The following LMO4 variants were observed in gnomAD, a reference collection of about 807,000 sequenced individuals.
LMO4 encodes LIM domain only 4.
In LMO4, 3 loss-of-function variants were observed where a neutral mutation model predicts 18.5. The observed-to-expected ratio is 0.16, with a 90% CI of 0.07 to 0.42. LMO4 has a LOEUF of 0.42. Ranked by LOEUF, LMO4 falls within the 10% of genes least tolerant of loss-of-function variation. The pLI, the probability that LMO4 is intolerant of heterozygous loss-of-function variation, is 0.99. For missense variants in LMO4, 121 were observed against 219.9 expected, an observed-to-expected ratio of 0.55 and a Z score of 2.84; for synonymous variants, 100 against 88.1, an observed-to-expected ratio of 1.14 and a Z score of -0.76.
intron 2 of LMO4, among the ~76,000 whole-genome samples, chr1:87,336,074 C>T (rs961096266): frequency 1.5e-5 from 2 of 131,352 alleles, no homozygotes; most frequent in Non-Finnish European, 3.1e-5. Context: ...GTATCAATAG[C>T]TTCTGGTGCT....
chr1:87,329,629 C>T (rs1650072257), intron 1 of LMO4, among the ~76,000 whole-genome samples: 1 of 152,178 alleles, frequency 6.6e-6, no homozygotes, highest in East Asian at 1.9e-4. Context: ...CACGATACCC[C>T]CCCTCCCTTC....
intron 2 of LMO4, among the ~76,000 whole-genome samples, chr1:87,335,136 G>GC (rs1379084575): frequency 1.3e-5 from 2 of 152,140 alleles, no homozygotes; most frequent in Non-Finnish European, 2.9e-5. Flanking sequence ...CCTTGGGACT[G>GC]CCCCTTCCCC....
At chr1:87,331,841 C>CAGTA in intron 1 of LMO4, 172 bp from the exon 2 acceptor site, 5 of 578,940 alleles carry the variant, frequency 8.6e-6, no homozygotes, top group Admixed American at 6.3e-5. Context: ...TGCCGGCGAG[C>CAGTA]CTCCCTTCTT....
intron 4 of LMO4, among the ~76,000 whole-genome samples, chr1:87,342,895 G>A (rs867221795): frequency 4.6e-5 from 7 of 152,080 alleles, no homozygotes; most frequent in African/African-American, 1.4e-4. Flanking sequence ...ACCCTGTGGC[G>A]TTTCTTTTCT....
At chr1:87,331,666 C>T (rs969675210) in intron 1 of LMO4, 10 of 286,230 alleles carry the variant, frequency 3.5e-5, no homozygotes, top group Non-Finnish European at 5.1e-5. Flanking sequence ...TGGGCGGAGG[C>T]GGGGGCTGGG....
Position 87,348,395 on chromosome 1 carries a change from G to T in LMO4, c.*3599G>T. ...GCTTTGTTACTAAGACTCACCTATT[G>T]TTAGTGCAGCCAAGTCACAGAAGTG... is the stretch of plus-strand genomic sequence containing the variant. On this transcript the variant is annotated 3_prime_UTR_variant, in exon 5 of 5. Transcript: ENST00000370544. 1 of 284,392 alleles carries T rather than the reference G, an allele frequency of 3.5e-6. No individual in the cohort carries two copies. The highest frequency in any genetic ancestry group is 7.1e-6 in the Non-Finnish European group (1 of 141,002). 17.6% of individuals were successfully genotyped at this position (284,392 alleles called of 1,614,324 possible).
Position 87,340,032 on chromosome 1 carries a change from G to C in LMO4, c.334-15G>C, listed in dbSNP as rs1166388944. On this transcript the variant is annotated splice_polypyrimidine_tract_variant and intron_variant, in intron 3 of 4. Transcript: ENST00000370544. ...TTTTTACCTTGTTTTCAGTGGGTTT[G>C]TTTTTCCCTTTCAGTGTTTTACATG... The C allele has an allele frequency of 2.5e-6, 4 of 1,607,834 alleles. No homozygotes were observed. The highest frequency in any genetic ancestry group is 8.5e-7 in the Non-Finnish European group (1 of 1,177,644).
intron 2 of LMO4, among the ~76,000 whole-genome samples, chr1:87,336,118 A>G (rs1650303746): frequency 6.6e-6 from 1 of 151,924 alleles, no homozygotes; most frequent in Non-Finnish European, 1.5e-5. Context: ...TTTCCGAAGT[A>G]CCTTTAATGG....
At chr1:87,342,645 A>G (rs1253279827) in intron 4 of LMO4, among the ~76,000 whole-genome samples, 1 of 152,098 alleles carries the variant, frequency 6.6e-6, no homozygotes. Flanking sequence ...GGGTGCTGTT[A>G]ATTAAGAACA....
At chr1:87,331,559 G>T (rs900387399) in intron 1 of LMO4, 2 of 175,970 alleles carry the variant, frequency 1.1e-5, no homozygotes, top group Admixed American at 1.2e-4. Context: ...TCTGTCCCGG[G>T]GCCCGGCGGG....
intron 1 of LMO4, chr1:87,331,622 G>C (rs1650149896): frequency 4.5e-6 from 1 of 223,634 alleles, no homozygotes; most frequent in African/African-American, 2.3e-5. Context: ...TCATTTGCTG[G>C]AGGCGGGCGG....
In LMO4 at chr1:87,345,614, C is replaced by A. The variant is rs947738297; in HGVS notation, c.*818C>A. On this transcript the variant is annotated 3_prime_UTR_variant, in exon 5 of 5. Transcript: ENST00000370544. The stretch of plus-strand genomic sequence containing the variant: ...TGTTTGGGTTTAAACACTGCTTTTT[C>A]TCTTCTGTATTTTGAAGAAATTTAG... The A allele has an allele frequency of 2.6e-5, 4 of 152,072 alleles. No individual in the cohort carries two copies. Among genetic ancestry groups the A allele is most frequent in the Non-Finnish European group, 4.4e-5 (3 of 67,990 alleles). 9.4% of individuals were successfully genotyped at this position (152,072 alleles called of 1,614,324 possible). A position where few individuals can be genotyped will look rare whatever the true frequency, so the allele number is the denominator to read the frequency against.
chr1:87,344,775 T>C lies in LMO4; in HGVS notation c.490-13T>C, dbSNP rs1169005800. Reference sequence around the variant, plus strand: ...AGCATTTTAGCTAAGATGCCCGTTTTTATTTCTTGCAGGTCTGCTAAAAGG... The same window carrying C: ...AGCATTTTAGCTAAGATGCCCGTTTCTATTTCTTGCAGGTCTGCTAAAAGG... On this transcript the variant is annotated splice_polypyrimidine_tract_variant and intron_variant, in intron 4 of 4. Coordinates refer to ENST00000370544, the MANE Select transcript of LMO4 (RefSeq NM_006769.4). 3 of 1,613,720 alleles carry C rather than the reference T, an allele frequency of 1.9e-6. No homozygotes were observed. The African/African-American group carries it at 4.0e-5, about 22-fold the overall frequency.
At chr1:87,334,559 A>G (rs1336756166) in intron 2 of LMO4, among the ~76,000 whole-genome samples, 1 of 152,216 alleles carries the variant, frequency 6.6e-6, no homozygotes, top group East Asian at 1.9e-4. Flanking sequence ...GCCCGCCGCC[A>G]GGTGAAGGGG....
chr1:87,341,205 T>G (rs1371133622), intron 4 of LMO4, among the ~76,000 whole-genome samples: 1 of 152,226 alleles, frequency 6.6e-6, no homozygotes, highest in Non-Finnish European at 1.5e-5. Flanking sequence ...TGACATTGAT[T>G]CATTTACTCT....
chr1:87,339,659 TTA>T, intron 3 of LMO4, 27 bp downstream of exon 3: 3 of 1,467,514 alleles, frequency 2.0e-6, no homozygotes, highest in Non-Finnish European at 1.9e-6. Flanking sequence ...TCTTTTTTTT[TTA>T]AAAAAAAAAT....
chr1:87,344,364 A>C (rs1332008518), intron 4 of LMO4, among the ~76,000 whole-genome samples: 3 of 152,250 alleles, frequency 2.0e-5, no homozygotes. Flanking sequence ...TTTAAGCAAC[A>C]TTCCAAAAGG....
intron 3 of LMO4, 141 bp downstream of exon 3, chr1:87,339,773 C>T (rs1650420007): frequency 3.0e-6 from 2 of 672,660 alleles, no homozygotes; most frequent in African/African-American, 1.8e-5. Context: ...TGTAGCATGG[C>T]AGTGATGGTT....
At chr1:87,336,967 G>A (rs912686521) in intron 2 of LMO4, among the ~76,000 whole-genome samples, 1 of 148,444 alleles carries the variant, frequency 6.7e-6, no homozygotes, top group Non-Finnish European at 1.5e-5. Flanking sequence ...GCACAGAAAC[G>A]TTGTGAAAAA....
Sources: allele counts gnomAD v4.1 joint callset (sites outside exome capture counted in the v4.1 genomes callset), GRCh38; gene constraint gnomAD v4.1.1; transcripts MANE v1.5; gene names NCBI Gene and HGNC (gene_info 2026-07-23, HGNC 2026-07-21).